Variants in TENM3 observed in about 807,000 individuals in gnomAD.
TENM3 encodes teneurin-3.
TENM3 carries 63 observed loss-of-function variants against 255.1 expected under a neutral mutation model. The ratio of observed to expected loss-of-function variants is 0.25; its 90% CI spans 0.20 to 0.30. TENM3 has a LOEUF of 0.30. Ranked by LOEUF, TENM3 falls within the 10% of genes least tolerant of loss-of-function variation. The probability of loss-of-function intolerance (pLI) is 1.00; values close to 1 mark genes in which losing one functional copy is unlikely to be tolerated. For missense variants in TENM3, 2,929 were observed against 3,461.1 expected (o/e 0.85, Z 3.86); for synonymous variants, 1,306 against 1,322.3 (o/e 0.99, Z 0.27).
intron 3 of TENM3, among the ~76,000 whole-genome samples, chr4:182,463,182 AT>A (rs992805287): frequency 2.6e-5 from 4 of 152,106 alleles, no homozygotes; most frequent in African/African-American, 4.8e-5. Context: ...GAAAATTTTA[AT>A]TTTTTTAAGC....
chr4:182,738,807 G>C (rs1408263833), intron 18 of TENM3, among the ~76,000 whole-genome samples: 1 of 152,196 alleles, frequency 6.6e-6, no homozygotes, highest in Non-Finnish European at 1.5e-5. Context: ...GTGAAAGACT[G>C]ACTTTGGTGT....
At chr4:181,795,503 A>G in the TENM3 span, among the ~76,000 whole-genome samples, 2 of 152,178 alleles carry the variant, frequency 1.3e-5, no homozygotes, top group East Asian at 1.9e-4. Flanking sequence ...CAGGGGATGT[A>G]AACATGCAGT....
At chr4:182,335,696 G>C (rs1764093183) in intron 2 of TENM3, among the ~76,000 whole-genome samples, 2 of 151,792 alleles carry the variant, frequency 1.3e-5, no homozygotes, top group African/African-American at 4.8e-5. Flanking sequence ...TAAATGATTA[G>C]TTTTAAAATT....
chr4:181,629,639 T>G, the TENM3 span, among the ~76,000 whole-genome samples: 1 of 152,208 alleles, frequency 6.6e-6, no homozygotes, highest in Non-Finnish European at 1.5e-5. Context: ...GGATTACGTT[T>G]ATTGATTTGC....
chr4:182,399,333 T>C (rs1463381690), intron 3 of TENM3, among the ~76,000 whole-genome samples: 3 of 152,206 alleles, frequency 2.0e-5, no homozygotes, highest in African/African-American at 7.2e-5. Flanking sequence ...TGTTTCTTCA[T>C]AGAGAGAACC....
At chr4:182,379,016 G>A (rs1767384132) in intron 3 of TENM3, among the ~76,000 whole-genome samples, 1 of 152,162 alleles carries the variant, frequency 6.6e-6, no homozygotes, top group African/African-American at 2.4e-5. Context: ...TTCTAAGCGG[G>A]AAGATCGAGC....
At chr4:182,265,124 G>T (rs567728875) in intron 1 of TENM3, among the ~76,000 whole-genome samples, 2 of 152,112 alleles carry the variant, frequency 1.3e-5, no homozygotes, top group Non-Finnish European at 2.9e-5. Flanking sequence ...AAGGCAGGTA[G>T]TTCCCTCTCA....
At chr4:182,128,745 T>TATC in the TENM3 span, among the ~76,000 whole-genome samples, 1 of 152,360 alleles carries the variant, frequency 6.6e-6, no homozygotes, top group African/African-American at 2.4e-5. Context: ...CTCCTAAATT[T>TATC]ATCATTAAAT....
At chr4:182,157,782 G>A (rs1404718121) in intron 1 of TENM3, among the ~76,000 whole-genome samples, 1 of 152,166 alleles carries the variant, frequency 6.6e-6, no homozygotes, top group Non-Finnish European at 1.5e-5. Flanking sequence ...GGGCGTTCCA[G>A]GAGAGGGAAA....
rs147575801 is a variant in TENM3 at position 182,465,868 on chromosome 4, A to T, written c.511+118939A>T. ...TTGCATATAAAATAAAATGTCTTTA[A>T]AGTTTTTTTAGTTTTAACATTTTTA... On this transcript the variant is annotated intron_variant, in intron 3 of 27. Coordinates refer to ENST00000511685, the MANE Select transcript of TENM3 (RefSeq NM_001080477.4). 1.7e-3 allele frequency among the ~76,000 whole-genome samples: 265 copies of T among 152,244 alleles called. 1 individual carries two copies. Among genetic ancestry groups the T allele is most frequent in the African/African-American group, 6.0e-3 (250 of 41,550 alleles).
chr4:182,628,528 GA>G (rs1218871792), intron 4 of TENM3, 122 bp from the exon 5 acceptor site: 10 of 648,496 alleles, frequency 1.5e-5, no homozygotes, highest in African/African-American at 1.3e-4. Context: ...GGTTATATAG[GA>G]TAAATTCTTT....
chr4:181,682,397 A>C, the TENM3 span, among the ~76,000 whole-genome samples: 2 of 152,114 alleles, frequency 1.3e-5, no homozygotes, highest in Non-Finnish European at 2.9e-5. Context: ...CAGTCAATTC[A>C]GTGAAAAATG....
chr4:182,600,879 A>ATG, intron 3 of TENM3, 45 bp from the exon 4 acceptor site: 2 of 973,748 alleles, frequency 2.1e-6, no homozygotes, highest in Non-Finnish European at 1.5e-6. Context: ...ATATATATAT[A>ATG]TATAATGAGT....
chr4:181,648,833 G>A, the TENM3 span, among the ~76,000 whole-genome samples: 3 of 152,138 alleles, frequency 2.0e-5, no homozygotes, highest in Admixed American at 6.5e-5. Context: ...CCATCAGATG[G>A]AAATCTAGAT....
the TENM3 span, among the ~76,000 whole-genome samples, chr4:181,864,127 T>G: frequency 6.6e-6 from 1 of 152,156 alleles, no homozygotes; most frequent in Admixed American, 6.5e-5. Flanking sequence ...GGTAACACAC[T>G]AGTATTAGTT....
chr4:181,825,487 T>C, the TENM3 span, among the ~76,000 whole-genome samples: 2 of 151,656 alleles, frequency 1.3e-5, no homozygotes, highest in East Asian at 3.9e-4. Flanking sequence ...CTAAATCAGG[T>C]CTTTCCCACC....
chr4:181,579,682 C>T, the TENM3 span, among the ~76,000 whole-genome samples: 1 of 152,158 alleles, frequency 6.6e-6, no homozygotes, highest in African/African-American at 2.4e-5. Context: ...TTCAGAAATG[C>T]ACAGATGGCC....
the TENM3 span, among the ~76,000 whole-genome samples, chr4:181,475,072 T>C: frequency 6.6e-6 from 1 of 152,204 alleles, no homozygotes; most frequent in Admixed American, 6.5e-5. Context: ...AATATAATGA[T>C]TTTGAATGTA....
At chr4:182,511,235 TA>T (rs1014695332) in intron 3 of TENM3, among the ~76,000 whole-genome samples, 1 of 152,166 alleles carries the variant, frequency 6.6e-6, no homozygotes, top group Non-Finnish European at 1.5e-5. Flanking sequence ...AATACTATAC[TA>T]ATACTCATTT....
Sources: gnomAD v4.1 joint callset for allele counts (sites outside exome capture counted in the v4.1 genomes callset) on GRCh38, gnomAD v4.1.1 for gene constraint, MANE v1.5 for transcripts, NCBI Gene and HGNC (gene_info 2026-07-23, HGNC 2026-07-21) for gene names.